NUCB2: variants seen among roughly 807,000 people sequenced by gnomAD.
NUCB2 encodes the protein nucleobindin 2.
A neutral mutation model predicts 57.9 loss-of-function variants in NUCB2; 48 were observed. That is an observed-to-expected ratio of 0.83 (90% CI 0.66 to 1.05). NUCB2 has a LOEUF of 1.05. Among genes scored for constraint, NUCB2 ranks in the 50% least tolerant of loss-of-function variants. The pLI is 0.00. For synonymous variants in NUCB2, 139 were observed against 152.1 expected (o/e 0.91, Z 0.64); for missense variants, 442 against 476.2 (o/e 0.93, Z 0.67).
intron 11 of NUCB2, among the ~76,000 whole-genome samples, chr11:17,323,627 A>G (rs1298785384): frequency 6.6e-6 from 1 of 152,130 alleles, no homozygotes; most frequent in South Asian, 2.1e-4. Context: ...AGTTTTTGGA[A>G]TAGTTTGAGT....
At chr11:17,349,352 G>A (rs998571287) in exon 3 of NUCB2, 2 of 152,190 alleles carry the variant, frequency 1.3e-5, no homozygotes, top group African/African-American at 4.8e-5. Flanking sequence ...CAGGTCCAGA[G>A]GTGTCCTTCT....
chr11:17,318,834 A>C (rs1195391006), intron 11 of NUCB2, among the ~76,000 whole-genome samples: 1 of 152,152 alleles, frequency 6.6e-6, no homozygotes, highest in Non-Finnish European at 1.5e-5. Context: ...TTGCTTTTCA[A>C]AAGACTTACG....
At chr11:17,309,544 C>G in intron 5 of NUCB2, 28 bp from the exon 6 acceptor site, 1 of 1,208,426 alleles carries the variant, frequency 8.3e-7, no homozygotes. Flanking sequence ...AGAAATTGAT[C>G]ATTTACAGTT....
intron 2 of NUCB2, among the ~76,000 whole-genome samples, chr11:17,343,723 G>T (rs1389715746): frequency 6.6e-6 from 1 of 152,084 alleles, no homozygotes; most frequent in East Asian, 1.9e-4. Context: ...ACAGTTTTAT[G>T]GAGGTATTTA....
chr11:17,280,030 C>T (rs564742201), intron 1 of NUCB2, among the ~76,000 whole-genome samples: 5 of 152,152 alleles, frequency 3.3e-5, no homozygotes, highest in Non-Finnish European at 7.4e-5. Flanking sequence ...TAGGCTCAAG[C>T]GATCTGCCTG....
intron 11 of NUCB2, among the ~76,000 whole-genome samples, chr11:17,325,930 C>T (rs1397842624): frequency 8.6e-5 from 13 of 151,990 alleles, no homozygotes; most frequent in Admixed American, 8.5e-4. Flanking sequence ...CATAAACAAA[C>T]ATGCAAAAAG....
intron 2 of NUCB2, among the ~76,000 whole-genome samples, chr11:17,293,936 T>C (rs913243872): frequency 9.9e-5 from 15 of 152,242 alleles, no homozygotes; most frequent in Non-Finnish European, 1.8e-4. Flanking sequence ...GGTTTCTTTT[T>C]GAGATGATGA....
rs893918965 is a variant in NUCB2 at position 17,338,058 on chromosome 11, C to T, written n.2626+524C>T. Among the ~76,000 whole-genome samples the T allele has an allele frequency of 2.6e-5, 4 of 152,148 alleles. No homozygotes were observed. The South Asian group carries it at 6.2e-4, about 24-fold the overall frequency. ...AATTAGTAACCATTTCTTTAAAAGT[C>T]TAAGAACTCAGCCAGAAAAAGCAGC... On this transcript the variant is annotated intron_variant and non_coding_transcript_variant, in intron 2 of 2. Transcript: ENST00000532240.
At chr11:17,339,827 C>T (rs1222551995) in intron 2 of NUCB2, among the ~76,000 whole-genome samples, 3 of 152,070 alleles carry the variant, frequency 2.0e-5, no homozygotes, top group African/African-American at 7.2e-5. Context: ...GTGCATGTGT[C>T]TTTATAGCAG....
intron 4 of NUCB2, among the ~76,000 whole-genome samples, chr11:17,299,902 C>CATAAAATAAAATAAA (rs61374902): frequency 3.3e-5 from 5 of 150,628 alleles, no homozygotes; most frequent in African/African-American, 1.2e-4. Context: ...GACCCTGTGT[C>CATAAAATAAAATAAA]ATAAAATAAA....
chr11:17,309,497 C>A, intron 5 of NUCB2, 75 bp from the exon 6 acceptor site: 3 of 847,722 alleles, frequency 3.5e-6, no homozygotes, highest in East Asian at 2.7e-5. Context: ...AATATGAAAT[C>A]TTTTTCTTGT....
downstream of NUCB2, chr11:17,333,379 A>G (rs902904646): frequency 2.0e-5 from 3 of 152,216 alleles, no homozygotes; most frequent in Non-Finnish European, 4.4e-5. Flanking sequence ...GATCCGTAAC[A>G]GCTACAGTCT....
chr11:17,318,759 C>T (rs1381941889), intron 11 of NUCB2, among the ~76,000 whole-genome samples: 2 of 146,830 alleles, frequency 1.4e-5, no homozygotes, highest in Non-Finnish European at 3.0e-5. Flanking sequence ...TTGAATAAAA[C>T]AAGAAGCCAC....
chr11:17,315,420 A>C lies in NUCB2; in HGVS notation c.947A>C (p.Glu316Ala), dbSNP rs764802016. Residue 316 changes from glutamate (E) to alanine (A), a missense_variant, in exon 11 of 14, where the codon GAG becomes GCG. Glu to Ala is a moderately radical substitution (Grantham distance 107). Transcript: ENST00000529010. ...DTNKDRLVTL[E>A]EFLKATEKKE... is the part of the protein sequence containing the mutation. Reference sequence around the variant, plus strand: ...AACAAAGACAGATTGGTGACTCTGGAGGAGTTTTTGAAAGCCACAGAAAAA... The same window carrying C: ...AACAAAGACAGATTGGTGACTCTGGCGGAGTTTTTGAAAGCCACAGAAAAA... 2 of 1,611,480 alleles carry C rather than the reference A, an allele frequency of 1.2e-6. No individual in the cohort carries two copies. Among genetic ancestry groups the C allele is most frequent in the Non-Finnish European group, 1.7e-6 (2 of 1,178,148 alleles).
At chr11:17,333,627 T>C (rs1238969699), downstream of NUCB2, 2 of 152,242 alleles carry the variant, frequency 1.3e-5, no homozygotes, top group East Asian at 3.8e-4. Context: ...CCTTTGAGAC[T>C]GTAGGCTTGC....
At chr11:17,284,271 G>A (rs1288437073) in intron 2 of NUCB2, among the ~76,000 whole-genome samples, 1 of 152,086 alleles carries the variant, frequency 6.6e-6, no homozygotes, top group African/African-American at 2.4e-5. Flanking sequence ...GCCTGCCTCA[G>A]CCCCCTACAG....
chr11:17,331,236 A>C, intron 13 of NUCB2, 176 bp from the exon 14 acceptor site: 1 of 527,130 alleles, frequency 1.9e-6, no homozygotes. Context: ...ATTTATTTCA[A>C]CTTTATTTGT....
At chr11:17,339,013 A>T (rs1166676101) in intron 2 of NUCB2, among the ~76,000 whole-genome samples, 1 of 147,604 alleles carries the variant, frequency 6.8e-6, no homozygotes, top group East Asian at 2.0e-4. Context: ...TTTGAGATGG[A>T]GCCTCACTCT....
chr11:17,308,589 A>G (rs1216703099), intron 5 of NUCB2, among the ~76,000 whole-genome samples: 1 of 152,138 alleles, frequency 6.6e-6, no homozygotes, highest in Non-Finnish European at 1.5e-5. Context: ...GCTCAATTCT[A>G]GAAGGGCTCG....
Sources: gnomAD v4.1 joint callset for allele counts (sites outside exome capture counted in the v4.1 genomes callset) on GRCh38, gnomAD v4.1.1 for gene constraint, MANE v1.5 for transcripts, NCBI Gene and HGNC (gene_info 2026-07-23, HGNC 2026-07-21) for gene names.